RNF17: variants seen among roughly 807,000 people sequenced by gnomAD.
RNF17 encodes ring finger protein 17.
A neutral mutation model predicts 200.5 loss-of-function variants in RNF17; 31 were observed. The ratio of observed to expected loss-of-function variants is 0.15; its 90% CI spans 0.12 to 0.21. The LOEUF is 0.21. RNF17 is among the 10% of genes least tolerant of loss of function. The pLI is 1.00. For synonymous variants in RNF17, 606 were observed against 637.8 expected, an observed-to-expected ratio of 0.95 and a Z score of 0.75; for missense variants, 1,628 against 1,905.1, an observed-to-expected ratio of 0.85 and a Z score of 2.71.
downstream of RNF17, among the ~76,000 whole-genome samples, chr13:24,881,141 T>C (rs570750859): frequency 6.6e-6 from 1 of 152,152 alleles, no homozygotes; most frequent in African/African-American, 2.4e-5. Flanking sequence ...GAAATGTTCG[T>C]TCATTTATCA....
At position 24,764,231 on chromosome 13, in the gene RNF17, C is replaced by G. The variant is rs1363520105; in HGVS notation, c.28C>G (p.Pro10Ala). The G allele has an allele frequency of 2.5e-6, 4 of 1,604,554 alleles. No individual in the cohort carries two copies. The African/African-American group carries it at 4.0e-5, about 16-fold the overall frequency. ...GGCGGCAGAGGCTTCGAAGACTGGG[C>G]CTTCTAGGTCTTCCTACCAGCGAAT... Reference protein sequence around the residue: MAAEASKTGPSRSSYQRMGR... With the variant: MAAEASKTGASRSSYQRMGR... The change falls in exon 1 of 36, where the codon CCT becomes GCT. Residue 10 changes from proline (P) to alanine (A), a missense_variant. Transcript: ENST00000255324.
At chr13:24,802,643 T>A in intron 14 of RNF17, 72 bp downstream of exon 14, 1 of 1,232,130 alleles carries the variant, frequency 8.1e-7, no homozygotes, top group Non-Finnish European at 1.1e-6. Context: ...ATTTTGCCTT[T>A]AAAAACCATG....
At chr13:24,838,981 A>T (rs1219346274) in intron 18 of RNF17, among the ~76,000 whole-genome samples, 1 of 152,216 alleles carries the variant, frequency 6.6e-6, no homozygotes, top group Non-Finnish European at 1.5e-5. Context: ...AAGTTTCCGG[A>T]TACAAGATTA....
chr13:24,826,905 A>G (rs1888708737), intron 16 of RNF17, among the ~76,000 whole-genome samples: 1 of 151,804 alleles, frequency 6.6e-6, no homozygotes, highest in African/African-American at 2.4e-5. Flanking sequence ...TACTAAAAAT[A>G]AAAAATTAGC....
At chr13:24,849,966 G>A (rs761890753) in intron 22 of RNF17, among the ~76,000 whole-genome samples, 1 of 152,146 alleles carries the variant, frequency 6.6e-6, no homozygotes, top group Non-Finnish European at 1.5e-5. Flanking sequence ...ATATGATGAT[G>A]CACATAACAC....
intron 5 of RNF17, among the ~76,000 whole-genome samples, chr13:24,780,599 T>C (rs1209007093): frequency 6.6e-6 from 1 of 152,196 alleles, no homozygotes; most frequent in Non-Finnish European, 1.5e-5. Flanking sequence ...TCTCACCTTC[T>C]GGGCAGGCTC....
At chr13:24,841,948 A>C in intron 18 of RNF17, 93 bp from the exon 19 acceptor site, 3 of 1,067,878 alleles carry the variant, frequency 2.8e-6, no homozygotes, top group Non-Finnish European at 4.0e-6. Context: ...CCTGGGCGAC[A>C]GAGTGAGACT....
intron 25 of RNF17, among the ~76,000 whole-genome samples, chr13:24,855,983 C>G (rs1892437572): frequency 1.3e-5 from 2 of 151,992 alleles, no homozygotes; most frequent in Non-Finnish European, 2.9e-5. Context: ...AACACTTATC[C>G]CTTCTTGGTT....
chr13:24,853,882 A>G lies in RNF17; in HGVS notation c.3348A>G (p.Ser1116=). 1 of 1,610,048 alleles carries G rather than the reference A, an allele frequency of 6.2e-7. No individual in the cohort carries two copies. The highest frequency in any genetic ancestry group is 8.5e-7 in the Non-Finnish European group (1 of 1,178,254). The change falls in exon 25 of 36, where the codon TCA becomes TCG. Residue 1116 remains serine, a synonymous_variant. Transcript: ENST00000255324. ...RRINNLDNSH[S]LSEKSLEVPL... is the part of the protein sequence containing the mutation. ...TTAATAACTTAGATAACAGCCATTC[A>G]TTATCTGAGAAGTCTCTGGAAGTCC...
downstream of RNF17, chr13:24,884,092 A>G (rs1566275992): frequency 1.3e-6 from 2 of 1,569,010 alleles, no homozygotes; most frequent in South Asian, 1.1e-5. Context: ...TTCTGTTTAA[A>G]AAGTTGTTAC....
At chr13:24,860,615 G>C (rs922202220) in intron 26 of RNF17, among the ~76,000 whole-genome samples, 4 of 152,044 alleles carry the variant, frequency 2.6e-5, no homozygotes, top group African/African-American at 4.8e-5. Context: ...TGTTGGGACA[G>C]AAGAAATAAT....
chr13:24,802,321 A>G (rs1885351800), intron 13 of RNF17, 60 bp from the exon 14 acceptor site: 19 of 1,432,036 alleles, frequency 1.3e-5, no homozygotes, highest in Middle Eastern at 2.1e-4. Context: ...TAAATCCAGA[A>G]CATTGTAACA....
chr13:24,869,573 C>G (rs763487040), intron 31 of RNF17, among the ~76,000 whole-genome samples: 1 of 152,284 alleles, frequency 6.6e-6, no homozygotes, highest in East Asian at 1.9e-4. Context: ...AAACCACTTT[C>G]GAAAAGACTC....
At chr13:24,781,175 A>G (rs1029272159) in intron 5 of RNF17, among the ~76,000 whole-genome samples, 2 of 152,162 alleles carry the variant, frequency 1.3e-5, no homozygotes, top group Non-Finnish European at 2.9e-5. Flanking sequence ...TAACATTTTA[A>G]TTCAAGTATG....
At chr13:24,783,593 T>C (rs1209040393) in intron 6 of RNF17, among the ~76,000 whole-genome samples, 1 of 152,166 alleles carries the variant, frequency 6.6e-6, no homozygotes, top group African/African-American at 2.4e-5. Flanking sequence ...ACCTCCTTTG[T>C]TTATTCTTAA....
chr13:24,792,424 A>AT (rs1267461662), intron 9 of RNF17, among the ~76,000 whole-genome samples: 8 of 152,112 alleles, frequency 5.3e-5, no homozygotes, highest in Non-Finnish European at 1.2e-4. Flanking sequence ...TAAAAAAAAA[A>AT]CTTGAGAAGG....
intron 18 of RNF17, among the ~76,000 whole-genome samples, chr13:24,834,158 T>C (rs763221463): frequency 3.3e-5 from 5 of 152,008 alleles, no homozygotes; most frequent in Non-Finnish European, 7.4e-5. Flanking sequence ...GTAATCCCAG[T>C]ATTTTGGGAG....
Position 24,799,529 on chromosome 13 carries a change from C to T in RNF17, c.1534C>T (p.Leu512=), listed in dbSNP as rs781426660. 8 of 1,611,312 alleles carry T rather than the reference C, an allele frequency of 5.0e-6. No homozygotes were observed. Among genetic ancestry groups the T allele is most frequent in the Middle Eastern group, 1.7e-4 (1 of 6,048 alleles). ...CAGATTATTTGTCCATGAAGTTGCA[C>T]TAATACAAATATTCATGGTAGATTT... ...PTRLFVHEVA[L]IQIFMVDFGN... The change falls in exon 12 of 36, where the codon CTA becomes TTA. Residue 512 remains leucine, a synonymous_variant. Coordinates refer to ENST00000255324, the MANE Select transcript of RNF17 (RefSeq NM_031277.3).
At chr13:24,883,436 T>A, downstream of RNF17, 3 of 1,285,356 alleles carry the variant, frequency 2.3e-6, no homozygotes, top group Non-Finnish European at 3.2e-6. Context: ...ACAGAAAAAC[T>A]ACTGAAAAGT....
Sources: gnomAD v4.1 joint callset for allele counts (sites outside exome capture counted in the v4.1 genomes callset) on GRCh38, gnomAD v4.1.1 for gene constraint, MANE v1.5 for transcripts, NCBI Gene and HGNC (gene_info 2026-07-23, HGNC 2026-07-21) for gene names.